The following DDX1 variants were observed in gnomAD, a reference collection of about 807,000 sequenced individuals.
The protein encoded by DDX1 is DEAD-box helicase 1, also known as ATP-dependent RNA helicase DDX1.
In DDX1, 28 loss-of-function variants were observed where a neutral mutation model predicts 108.7. The ratio of observed to expected loss-of-function variants is 0.26; its 90% CI spans 0.19 to 0.35. The LOEUF (loss-of-function observed/expected upper bound fraction) is 0.35, where lower values mean the gene tolerates loss of function less well. Among genes scored for constraint, DDX1 ranks in the 10% least tolerant of loss-of-function variants. The pLI is 1.00. For synonymous variants in DDX1, 295 were observed against 288.9 expected, an observed-to-expected ratio of 1.02 and a Z score of -0.21; for missense variants, 710 against 884.5, an observed-to-expected ratio of 0.80 and a Z score of 2.50.
At chr2:15,599,533 G>T in intron 5 of DDX1, 136 bp from the exon 6 acceptor site, 1 of 493,710 alleles carries the variant, frequency 2.0e-6, no homozygotes, top group South Asian at 3.7e-5. Context: ...GGCTGGTCTT[G>T]AACTCCTGAC....
chr2:15,613,090 T>G, intron 13 of DDX1, 134 bp from the exon 14 acceptor site: 1 of 624,182 alleles, frequency 1.6e-6, no homozygotes. Context: ...CCAGACTTGT[T>G]TTATTGTAGG....
Position 15,596,657 on chromosome 2 carries a change from C to G in DDX1, c.133-77C>G, listed in dbSNP as rs1312232006. The G allele has an allele frequency of 8.7e-6, 11 of 1,261,804 alleles. No individual in the cohort carries two copies. In the South Asian group the frequency reaches 1.4e-4, roughly 16 times the overall value. The allele number at this position is 1,261,804 out of a possible 1,614,324, so 78.2% of individuals were successfully genotyped here. On this transcript the variant is annotated intron_variant, in intron 3 of 25. Transcript: ENST00000233084. ...GTAGCCAGTCAAATGTTAAAGATTT[C>G]TACATACTATGGTGTTAGTTTGATT...
chr2:15,627,867 G>A (rs888634001), intron 20 of DDX1, among the ~76,000 whole-genome samples: 3 of 152,270 alleles, frequency 2.0e-5, no homozygotes, highest in South Asian at 4.1e-4. Context: ...CTTCTCAACC[G>A]TAGGCATTTT....
chr2:15,619,234 G>T (rs1423424886), intron 16 of DDX1, among the ~76,000 whole-genome samples: 4 of 152,232 alleles, frequency 2.6e-5, no homozygotes, highest in Admixed American at 2.6e-4. Context: ...TCCCAGGGCA[G>T]TGGGCTCCAG....
chr2:15,615,966 C>T (rs1032287006), intron 14 of DDX1, among the ~76,000 whole-genome samples: 2 of 151,984 alleles, frequency 1.3e-5, no homozygotes, highest in African/African-American at 2.4e-5. Context: ...GATCTCAGCT[C>T]ACTGCAACGT....
At chr2:15,623,369 T>G (rs551228131) in intron 18 of DDX1, 67 bp from the exon 19 acceptor site, 1 of 1,494,700 alleles carries the variant, frequency 6.7e-7, no homozygotes, top group East Asian at 2.3e-5. Context: ...GTGACTATAA[T>G]TATGTGTATT....
intron 25 of DDX1, 78 bp downstream of exon 25, chr2:15,630,188 TTTCA>T: frequency 1.5e-6 from 2 of 1,368,448 alleles, no homozygotes; most frequent in Non-Finnish European, 2.1e-6. Flanking sequence ...AAGGCAGTAC[TTTCA>T]TTTCATTAGG....
At chr2:15,602,330 T>A (rs1665600201) in intron 6 of DDX1, among the ~76,000 whole-genome samples, 1 of 152,126 alleles carries the variant, frequency 6.6e-6, no homozygotes. Context: ...GCCCCCAACA[T>A]AGCCAAGGAC....
In DDX1 at chr2:15,616,565, T is replaced by C. The variant is rs145240379; in HGVS notation, c.1018-679T>C. Among the ~76,000 whole-genome samples, 264 of 152,334 alleles carry C rather than the reference T, an allele frequency of 1.7e-3. 1 individual carries two copies. The highest frequency in any genetic ancestry group is 6.2e-3 in the African/African-American group (256 of 41,572). On this transcript the variant is annotated intron_variant, in intron 14 of 25. Coordinates refer to ENST00000233084, the MANE Select transcript of DDX1 (RefSeq NM_004939.3). ...ATGTTTGAAAAGTTTTATTTAGTAT[T>C]CTAAACTTCCGTTTTCTCATTGAAT...
At chr2:15,603,777 T>C (rs756499280) in intron 8 of DDX1, 37 bp from the exon 9 acceptor site, 1 of 1,385,358 alleles carries the variant, frequency 7.2e-7, no homozygotes, top group South Asian at 1.2e-5. Flanking sequence ...TTTTATATTT[T>C]CTCTTACCAG....
At chr2:15,601,320 T>C (rs1665586311) in intron 6 of DDX1, among the ~76,000 whole-genome samples, 1 of 152,182 alleles carries the variant, frequency 6.6e-6, no homozygotes, top group Non-Finnish European at 1.5e-5. Context: ...TGTAATTCAA[T>C]TCAATTCTGA....
intron 19 of DDX1, among the ~76,000 whole-genome samples, chr2:15,624,585 A>C (rs552142086): frequency 6.6e-6 from 1 of 152,312 alleles, no homozygotes; most frequent in African/African-American, 2.4e-5. Flanking sequence ...TATCACGAGA[A>C]CAGCATGAGG....
At chr2:15,620,467 TA>T in intron 17 of DDX1, 71 bp downstream of exon 17, 3 of 1,172,754 alleles carry the variant, frequency 2.6e-6, no homozygotes, top group Non-Finnish European at 3.6e-6. Context: ...CTTGGGCTCT[TA>T]GTGATGCTTA....
intron 15 of DDX1, among the ~76,000 whole-genome samples, chr2:15,617,605 G>T (rs895106269): frequency 2.8e-4 from 43 of 152,140 alleles, no homozygotes; most frequent in African/African-American, 1.0e-3. Flanking sequence ...TATAAATGCT[G>T]TCTAGTGGTC....
At chr2:15,595,671 A>G in intron 3 of DDX1, 118 bp downstream of exon 3, 1 of 756,698 alleles carries the variant, frequency 1.3e-6, no homozygotes, top group Non-Finnish European at 2.3e-6. Flanking sequence ...TACTGTATTC[A>G]GACTATTAGG....
chr2:15,604,236 C>A (rs1302613749), intron 9 of DDX1, among the ~76,000 whole-genome samples: 1 of 152,160 alleles, frequency 6.6e-6, no homozygotes, highest in Non-Finnish European at 1.5e-5. Context: ...GAGCTGAAAT[C>A]TACAGTAGTG....
chr2:15,598,432 T>C (rs1337910154), intron 5 of DDX1, among the ~76,000 whole-genome samples: 1 of 152,188 alleles, frequency 6.6e-6, no homozygotes. Context: ...ATAGTGATAA[T>C]GGTTCTGAAA....
intron 13 of DDX1, among the ~76,000 whole-genome samples, chr2:15,612,117 G>A (rs1387818251): frequency 1.3e-5 from 2 of 148,208 alleles, no homozygotes; most frequent in African/African-American, 5.0e-5. Flanking sequence ...TCCCGGACGG[G>A]GCGGCTGGCC....
chr2:15,626,998 CAT>C, intron 19 of DDX1, 54 bp from the exon 20 acceptor site: 2 of 1,146,798 alleles, frequency 1.7e-6, no homozygotes, highest in Non-Finnish European at 2.5e-6. Context: ...GGCTTTTTTA[CAT>C]AGTCTTAGGC....
Sources: gnomAD v4.1 joint callset for allele counts (sites outside exome capture counted in the v4.1 genomes callset) on GRCh38, gnomAD v4.1.1 for gene constraint, MANE v1.5 for transcripts, NCBI Gene and HGNC (gene_info 2026-07-23, HGNC 2026-07-21) for gene names.